KCNIP4: variants seen among roughly 807,000 people sequenced by gnomAD.
KCNIP4 encodes the protein potassium voltage-gated channel interacting protein 4.
KCNIP4 carries 12 observed loss-of-function variants against 34.0 expected under a neutral mutation model. That is an observed-to-expected ratio of 0.35 (90% CI 0.23 to 0.57). KCNIP4 has a LOEUF of 0.57. Ranked by LOEUF, KCNIP4 falls within the 20% of genes least tolerant of loss-of-function variation. The pLI is 0.83. For synonymous variants in KCNIP4, 124 were observed against 102.2 expected, an observed-to-expected ratio of 1.21 and a Z score of -1.29; for missense variants, 238 against 311.7, an observed-to-expected ratio of 0.76 and a Z score of 1.78.
At chr4:20,736,601 TAATA>T (rs1749690227) in intron 5 of KCNIP4, among the ~76,000 whole-genome samples, 1 of 151,984 alleles carries the variant, frequency 6.6e-6, no homozygotes, top group Admixed American at 6.6e-5. Context: ...TTATATGGCC[TAATA>T]TATATAGAAC....
chr4:21,360,313 C>A (rs2109404034), intron 1 of KCNIP4, among the ~76,000 whole-genome samples: 1 of 151,978 alleles, frequency 6.6e-6, no homozygotes, highest in South Asian at 2.1e-4. Flanking sequence ...AAATTAAAAT[C>A]ATTTAATAAT....
chr4:21,250,528 G>C (rs1418447214), intron 1 of KCNIP4, among the ~76,000 whole-genome samples: 1 of 152,064 alleles, frequency 6.6e-6, no homozygotes, highest in East Asian at 1.9e-4. Flanking sequence ...GAATACGCAG[G>C]ATACAAAATT....
chr4:21,671,349 A>G (rs1436242357), intron 1 of KCNIP4, among the ~76,000 whole-genome samples: 1 of 152,190 alleles, frequency 6.6e-6, no homozygotes, highest in Non-Finnish European at 1.5e-5. Context: ...GATTGATACC[A>G]TGCCAAATTT....
intron 1 of KCNIP4, among the ~76,000 whole-genome samples, chr4:21,924,237 ATATTTC>A (rs1308995369): frequency 7.5e-6 from 1 of 134,226 alleles, no homozygotes; most frequent in Non-Finnish European, 1.5e-5. Context: ...ATTAATGAAT[ATATTTC>A]TTTTTTTTTT....
intron 1 of KCNIP4, among the ~76,000 whole-genome samples, chr4:21,073,787 G>A (rs959703863): frequency 1.3e-5 from 2 of 151,960 alleles, no homozygotes; most frequent in Admixed American, 6.6e-5. Flanking sequence ...CATAAAGAGT[G>A]CTTATTATTT....
intron 1 of KCNIP4, among the ~76,000 whole-genome samples, chr4:21,199,167 G>T (rs1257855538): frequency 6.6e-6 from 1 of 152,194 alleles, no homozygotes; most frequent in Non-Finnish European, 1.5e-5. Context: ...CACAATGGAT[G>T]AACTAATTTA....
intron 1 of KCNIP4, among the ~76,000 whole-genome samples, chr4:21,435,544 G>A (rs997595098): frequency 6.6e-6 from 1 of 152,128 alleles, no homozygotes; most frequent in African/African-American, 2.4e-5. Flanking sequence ...ATCAATAACA[G>A]CAAAGAGAAT....
At chr4:21,137,012 C>A (rs1210016608) in intron 1 of KCNIP4, among the ~76,000 whole-genome samples, 2 of 152,162 alleles carry the variant, frequency 1.3e-5, no homozygotes, top group African/African-American at 4.8e-5. Context: ...TAACCAAACT[C>A]TGGGTTCCAT....
At chr4:21,821,724 G>A (rs1008664619) in intron 1 of KCNIP4, among the ~76,000 whole-genome samples, 3 of 152,114 alleles carry the variant, frequency 2.0e-5, no homozygotes, top group African/African-American at 7.2e-5. Context: ...CAATAATGAT[G>A]TTAGATGAAT....
At chr4:21,830,633 C>A (rs1722928306) in intron 1 of KCNIP4, among the ~76,000 whole-genome samples, 3 of 152,088 alleles carry the variant, frequency 2.0e-5, no homozygotes, top group Non-Finnish European at 1.5e-5. Flanking sequence ...AAGATCATGC[C>A]ACTACACTCA....
intron 1 of KCNIP4, among the ~76,000 whole-genome samples, chr4:21,674,723 C>A (rs1030697877): frequency 6.6e-6 from 1 of 152,082 alleles, no homozygotes; most frequent in Non-Finnish European, 1.5e-5. Context: ...GATACAACAG[C>A]CTTGGCAGTA....
In KCNIP4 at chr4:21,125,698, C is replaced by T. The variant is rs1398261164; in HGVS notation, c.62-242989G>A. Among the ~76,000 whole-genome samples the T allele has an allele frequency of 2.6e-5, 4 of 152,144 alleles. No homozygotes were observed. The East Asian group carries it at 5.8e-4, about 22-fold the overall frequency. ...AAAGGATGGCAATGAGACTTTTGGA[C>T]TCTGAATGTCTCTGTAATCTGTTTA... is the stretch of plus-strand genomic sequence containing the variant. On this transcript the variant is annotated intron_variant, in intron 1 of 8. Transcript: ENST00000382152.
intron 1 of KCNIP4, among the ~76,000 whole-genome samples, chr4:21,086,497 T>A (rs1446968122): frequency 1.3e-5 from 2 of 152,178 alleles, no homozygotes; most frequent in Non-Finnish European, 2.9e-5. Flanking sequence ...CAATTAAAAA[T>A]ATATGATACA....
rs574023071 is a variant in KCNIP4, at chr4:21,270,940, C to T, written c.62-388231G>A. Among the ~76,000 whole-genome samples, 18 of 146,050 alleles carry T rather than the reference C, an allele frequency of 1.2e-4. 1 individual carries two copies. The highest frequency in any genetic ancestry group is 4.4e-4 in the African/African-American group (17 of 38,782). On this transcript the variant is annotated intron_variant, in intron 1 of 8. Transcript: ENST00000382152. ...AGCAGAAGTAGCAGTGAGCTGAGATCACACCATTGTACTCCAGCCTGGTCA... is the reference window on the plus strand; with the variant it reads ...AGCAGAAGTAGCAGTGAGCTGAGATTACACCATTGTACTCCAGCCTGGTCA...
At position 20,990,343 on chromosome 4, in the gene KCNIP4, G is replaced by T. The variant is rs1039847396; in HGVS notation, c.62-107634C>A. 5.3e-5 allele frequency among the ~76,000 whole-genome samples: 8 copies of T among 152,274 alleles called. No homozygotes were observed. In the East Asian group the frequency reaches 1.5e-3, roughly 29 times the overall value. ...CTCAAGCAGTTTCACTTAGCTGAAGGCTCATTCTGAAAGGTTAGTAAATGT... is the reference window on the plus strand; with the variant it reads ...CTCAAGCAGTTTCACTTAGCTGAAGTCTCATTCTGAAAGGTTAGTAAATGT... On this transcript the variant is annotated intron_variant, in intron 1 of 8. Transcript: ENST00000382152.
intron 1 of KCNIP4, among the ~76,000 whole-genome samples, chr4:21,633,369 G>A (rs990000849): frequency 1.5e-4 from 23 of 152,150 alleles, no homozygotes; most frequent in African/African-American, 5.5e-4. Context: ...CTAGTTGATG[G>A]GATGTTAGTG....
chr4:21,789,563 G>C (rs888287543), intron 1 of KCNIP4, among the ~76,000 whole-genome samples: 1 of 152,134 alleles, frequency 6.6e-6, no homozygotes, highest in African/African-American at 2.4e-5. Flanking sequence ...TACAGCAACT[G>C]GGTCACAGAG....
At chr4:21,937,151 G>A (rs894823421) in intron 1 of KCNIP4, among the ~76,000 whole-genome samples, 2 of 152,038 alleles carry the variant, frequency 1.3e-5, no homozygotes, top group African/African-American at 4.8e-5. Context: ...CTCTGAAATG[G>A]ATTAAATTTG....
At chr4:21,522,232 A>G (rs1024776437) in intron 1 of KCNIP4, among the ~76,000 whole-genome samples, 1 of 152,108 alleles carries the variant, frequency 6.6e-6, no homozygotes, top group African/African-American at 2.4e-5. Context: ...CAGAGACTCC[A>G]GGAAAAAAAA....
Sources: gnomAD v4.1 joint callset for allele counts (sites outside exome capture counted in the v4.1 genomes callset) on GRCh38, gnomAD v4.1.1 for gene constraint, MANE v1.5 for transcripts, NCBI Gene and HGNC (gene_info 2026-07-23, HGNC 2026-07-21) for gene names.